AKR1C8: variants seen among roughly 807,000 people sequenced by gnomAD.
The protein encoded by AKR1C8 is aldo-keto reductase family 1 member C-like protein 1.
chr10:5,154,058 C>T, the AKR1C8 span: 1 of 407,802 alleles, frequency 2.5e-6, no homozygotes, highest in Non-Finnish European at 5.2e-6. Context: ...ATCCTACTTC[C>T]TACTCCTCTA....
At chr10:5,161,599 T>A in the AKR1C8 span, 4 of 466,172 alleles carry the variant, frequency 8.6e-6, no homozygotes, top group African/African-American at 2.0e-5. Flanking sequence ...TGCCCTCAAC[T>A]GTCTAGGGTA....
chr10:5,182,563 G>A, the AKR1C8 span, among the ~76,000 whole-genome samples: 2 of 152,082 alleles, frequency 1.3e-5, no homozygotes, highest in Non-Finnish European at 2.9e-5. Context: ...ATTATCTGAG[G>A]TTACTTATGG....
the AKR1C8 span, among the ~76,000 whole-genome samples, chr10:5,136,502 A>G: frequency 0.39 from 59,587 of 152,058 alleles, 12,495 homozygotes; most frequent in Non-Finnish European, 0.43. Context: ...AGCCAAGGTC[A>G]TACCACTGTA....
chr10:5,149,465 C>T, the AKR1C8 span, among the ~76,000 whole-genome samples: 3 of 152,044 alleles, frequency 2.0e-5, no homozygotes, highest in Non-Finnish European at 2.9e-5. Flanking sequence ...CTTTTAAAGA[C>T]CTTTCTATCT....
chr10:5,150,919 C>G, the AKR1C8 span, among the ~76,000 whole-genome samples: 1 of 152,090 alleles, frequency 6.6e-6, no homozygotes, highest in Admixed American at 6.6e-5. Flanking sequence ...TCACACTGTT[C>G]CAGGTATATA....
chr10:5,167,902 T>C, the AKR1C8 span, among the ~76,000 whole-genome samples: 1 of 152,148 alleles, frequency 6.6e-6, no homozygotes, highest in Non-Finnish European at 1.5e-5. Context: ...TATAGGAATG[T>C]TCCAAAATTG....
At chr10:5,130,736 T>G in the AKR1C8 span, among the ~76,000 whole-genome samples, 2 of 151,832 alleles carry the variant, frequency 1.3e-5, no homozygotes, top group Non-Finnish European at 2.9e-5. Flanking sequence ...ATGAAACATC[T>G]CTACAAGGAA....
At chr10:5,179,385 G>A in the AKR1C8 span, among the ~76,000 whole-genome samples, 9 of 152,120 alleles carry the variant, frequency 5.9e-5, no homozygotes, top group Admixed American at 3.3e-4. Context: ...TGGGTAACCC[G>A]ACCTTTCTCT....
the AKR1C8 span, among the ~76,000 whole-genome samples, chr10:5,178,635 C>A: frequency 4.6e-5 from 7 of 152,224 alleles, no homozygotes; most frequent in South Asian, 1.2e-3. Context: ...GTAGGTCACT[C>A]AGGACTTGCT....
chr10:5,144,985 C>A, the AKR1C8 span, among the ~76,000 whole-genome samples: 52 of 151,686 alleles, frequency 3.4e-4, 1 homozygote, highest in South Asian at 0.01. Context: ...TTTGCCCATT[C>A]AGTATGATAT....
At chr10:5,136,308 G>A in the AKR1C8 span, among the ~76,000 whole-genome samples, 2 of 152,288 alleles carry the variant, frequency 1.3e-5, no homozygotes, top group Admixed American at 6.5e-5. Flanking sequence ...AGCACTTTGG[G>A]AGGCTGAGGT....
the AKR1C8 span, among the ~76,000 whole-genome samples, chr10:5,141,707 A>G: frequency 3.0e-4 from 45 of 152,286 alleles, no homozygotes; most frequent in Admixed American, 2.9e-3. Flanking sequence ...TTCAACAGTA[A>G]TATTTTGAAA....
chr10:5,146,252 T>G, the AKR1C8 span, among the ~76,000 whole-genome samples: 1 of 149,862 alleles, frequency 6.7e-6, no homozygotes, highest in Non-Finnish European at 1.5e-5. Flanking sequence ...GAATGCTAGA[T>G]GACGAGTTAG....
chr10:5,128,985 T>A, the AKR1C8 span, among the ~76,000 whole-genome samples: 1 of 152,112 alleles, frequency 6.6e-6, no homozygotes, highest in African/African-American at 2.4e-5. Flanking sequence ...ACATACATTC[T>A]TATCAGCACA....
chr10:5,177,614 T>C, the AKR1C8 span, among the ~76,000 whole-genome samples: 1 of 152,312 alleles, frequency 6.6e-6, no homozygotes, highest in Non-Finnish European at 1.5e-5. Context: ...GGTCCTGGAC[T>C]CTTTTTGGTT....
chr10:5,148,717 C>G, the AKR1C8 span, among the ~76,000 whole-genome samples: 1 of 152,070 alleles, frequency 6.6e-6, no homozygotes, highest in Non-Finnish European at 1.5e-5. Context: ...AGTAAGCATG[C>G]AAAATTACAG....
the AKR1C8 span, among the ~76,000 whole-genome samples, chr10:5,181,191 T>G: frequency 1.9e-4 from 29 of 152,288 alleles, no homozygotes; most frequent in African/African-American, 7.0e-4. Flanking sequence ...AAAGAATTAT[T>G]AAAGGTTTAT....
the AKR1C8 span, among the ~76,000 whole-genome samples, chr10:5,160,156 A>ATGCATTACC: frequency 8.6e-6 from 1 of 116,334 alleles, no homozygotes; most frequent in African/African-American, 2.6e-5. Context: ...CAATTTCCTA[A>ATGCATTACC]TGCATTACCT....
the AKR1C8 span, among the ~76,000 whole-genome samples, chr10:5,124,654 A>T: frequency 3.9e-5 from 6 of 152,186 alleles, no homozygotes; most frequent in African/African-American, 1.4e-4. Context: ...AATACAAAAA[A>T]TTAAAACATC....
Sources: allele counts gnomAD v4.1 joint callset (sites outside exome capture counted in the v4.1 genomes callset), GRCh38; gene constraint gnomAD v4.1.1; transcripts MANE v1.5; gene names NCBI Gene and HGNC (gene_info 2026-07-23, HGNC 2026-07-21).